MYO7A: variants seen among roughly 807,000 people sequenced by gnomAD.
The protein encoded by MYO7A is unconventional myosin-VIIa.
In MYO7A, 210 loss-of-function variants were observed where a neutral mutation model predicts 263.8. The ratio of observed to expected loss-of-function variants is 0.80; its 90% CI spans 0.71 to 0.89. The LOEUF is 0.89. MYO7A is among the 40% of genes least tolerant of loss of function. The pLI is 0.00. For missense variants in MYO7A, 2,820 were observed against 2,968.3 expected (o/e 0.95, Z 1.16); for synonymous variants, 1,239 against 1,197.3 (o/e 1.03, Z -0.72).
chr11:77,180,477 A>G lies in MYO7A; in HGVS notation c.2690A>G (p.His897Arg). Residue 897 changes from histidine (H) to arginine (R), a missense_variant, in exon 22 of 49, where the codon CAT becomes CGT. His to Arg is a conservative substitution (Grantham distance 29, BLOSUM62 0). Transcript: ENST00000409709. ...KKAKEEAERK[H>R]QERLAQLARE... Reference sequence around the variant, plus strand: ...GCCAAGGAGGAGGCCGAGCGCAAGCATCAGGTGAGCTGAGAGCCTCCAGGC... The same window carrying G: ...GCCAAGGAGGAGGCCGAGCGCAAGCGTCAGGTGAGCTGAGAGCCTCCAGGC... The G allele has an allele frequency of 6.2e-7, 1 of 1,612,046 alleles. No individual in the cohort carries two copies.
At position 77,157,302 on chromosome 11, in the gene MYO7A, C is replaced by A. The variant is rs182220009; in HGVS notation, c.759C>A (p.His253Gln). The A allele has an allele frequency of 1.2e-6, 2 of 1,611,566 alleles. No individual in the cohort carries two copies. The highest frequency in any genetic ancestry group is 4.5e-5 in the East Asian group (2 of 44,840). Residue 253 changes from histidine to glutamine, a missense_variant, in exon 8 of 49, where the codon CAC (histidine) becomes CAA (glutamine). Coordinates refer to ENST00000409709, the MANE Select transcript of MYO7A (RefSeq NM_000260.4). ...AGGCCCTGGATGAAAGGAACTACCA[C>A]GTGTTCTACTGCATGCTGGAGGGTA... ...CRQALDERNYHVFYCMLEGMS... is the reference protein window; with the variant it reads ...CRQALDERNYQVFYCMLEGMS...
chr11:77,133,112 G>A (rs1555046483), intron 2 of MYO7A, among the ~76,000 whole-genome samples: 2 of 152,178 alleles, frequency 1.3e-5, no homozygotes, highest in African/African-American at 4.8e-5. Context: ...AGGGGGCACG[G>A]GGATGAGAGG....
At position 77,159,884 on chromosome 11, in the gene MYO7A, C is replaced by T. The variant is rs1952828282; in HGVS notation, c.1081-279C>T. Reference sequence around the variant, plus strand: ...GCAAACACTTATTAGGGTTGGAAAACTGAGATGAATAAAGCCAGAGTCAGG... The same window carrying T: ...GCAAACACTTATTAGGGTTGGAAAATTGAGATGAATAAAGCCAGAGTCAGG... On this transcript the variant is annotated intron_variant, in intron 10 of 48. Transcript: ENST00000409709. Among the ~76,000 whole-genome samples the T allele has an allele frequency of 2.0e-5, 3 of 152,218 alleles. No homozygotes were observed. In the South Asian group the frequency reaches 6.2e-4, roughly 31 times the overall value.
rs566290661 is a variant in MYO7A at position 77,193,414 on chromosome 11, G to A, written c.4153-940G>A. On this transcript the variant is annotated intron_variant, in intron 31 of 48. Coordinates refer to ENST00000409709, the MANE Select transcript of MYO7A (RefSeq NM_000260.4). ...TGATGGTGGAGGCAGTGATGGTGTT[G>A]GTGATGACAGTGTTGTTGGTAGTGA... Among the ~76,000 whole-genome samples, 5 of 151,690 alleles carry A rather than the reference G, an allele frequency of 3.3e-5. No individual in the cohort carries two copies. The East Asian group carries it at 9.7e-4, about 29-fold the overall frequency.
chr11:77,153,699 C>T (rs1468722223), intron 4 of MYO7A, among the ~76,000 whole-genome samples: 4 of 152,168 alleles, frequency 2.6e-5, no homozygotes, highest in African/African-American at 9.7e-5. Context: ...TCATCCTCCA[C>T]AGCTGCCGGG....
Position 77,203,216 on chromosome 11 carries a change from T to C in MYO7A, c.5325T>C (p.Ile1775=). The C allele has an allele frequency of 1.3e-6, 2 of 1,552,924 alleles. No individual in the cohort carries two copies. Among genetic ancestry groups the C allele is most frequent in the East Asian group, 2.4e-5 (1 of 41,282 alleles). Residue 1775 remains isoleucine (I), a splice_region_variant and synonymous_variant, in exon 38 of 49, where the codon ATT becomes ATC. Transcript: ENST00000409709. ...CGCAGGAGGCCTGCCTGGCCTTCAT[T>C]GATATCCGTGCCACTGGGCTGTGCC... ...ELSQEACLAF[I]AVLKYMGDYP... is the part of the protein sequence containing the mutation.
rs1955325024 is a variant in MYO7A at position 77,182,494 on chromosome 11, C to G, written c.3179C>G (p.Ala1060Gly). ...GDLPEPKYHT[A>G]MSDGSEKIPV... is the part of the protein sequence containing the mutation. Reference sequence around the variant, plus strand: ...CTCCCTGAGCCCAAGTACCACACAGCCATGAGTGATGGCAGTGAGAAGATC... The same window carrying G: ...CTCCCTGAGCCCAAGTACCACACAGGCATGAGTGATGGCAGTGAGAAGATC... Residue 1060 changes from alanine to glycine, a missense_variant, in exon 25 of 49, where the codon GCC becomes GGC. Coordinates refer to ENST00000409709, the MANE Select transcript of MYO7A (RefSeq NM_000260.4). The G allele has an allele frequency of 1.2e-6, 2 of 1,611,526 alleles. No individual in the cohort carries two copies. Among genetic ancestry groups the G allele is most frequent in the Non-Finnish European group, 1.7e-6 (2 of 1,179,842 alleles).
intron 40 of MYO7A, 70 bp downstream of exon 40, chr11:77,205,687 A>G: frequency 6.3e-7 from 1 of 1,592,364 alleles, no homozygotes; most frequent in Non-Finnish European, 8.5e-7. Context: ...TTGTGGGATG[A>G]GCCCCTTGGG....
At chr11:77,203,435 G>A (rs1957214750) in intron 38 of MYO7A, among the ~76,000 whole-genome samples, 1 of 152,220 alleles carries the variant, frequency 6.6e-6, no homozygotes, top group Non-Finnish European at 1.5e-5. Context: ...TTGGTGCCTT[G>A]TGCTGGGCCA....
At chr11:77,205,192 A>T (rs924687927) in intron 39 of MYO7A, among the ~76,000 whole-genome samples, 1 of 152,232 alleles carries the variant, frequency 6.6e-6, no homozygotes, top group Non-Finnish European at 1.5e-5. Context: ...TCATTGTGGC[A>T]TAAGCCCCTT....
At chr11:77,161,437 C>T (rs142442659) in intron 12 of MYO7A, among the ~76,000 whole-genome samples, 1 of 152,322 alleles carries the variant, frequency 6.6e-6, no homozygotes, top group African/African-American at 2.4e-5. Context: ...GCAGGGAGGC[C>T]AGGCCTGTGC....
chr11:77,200,685 C>T (rs1007337681), intron 35 of MYO7A, among the ~76,000 whole-genome samples: 15 of 152,220 alleles, frequency 9.9e-5, no homozygotes, highest in African/African-American at 4.8e-5. Context: ...GAAGCTAGAC[C>T]AAATAGCAGA....
chr11:77,175,011 A>G, intron 17 of MYO7A, 97 bp downstream of exon 17: 3 of 1,486,760 alleles, frequency 2.0e-6, no homozygotes, highest in Non-Finnish European at 2.7e-6. Flanking sequence ...GCGGGGCTTG[A>G]CATCTGCTTG....
chr11:77,202,090 C>T (rs1257766434), intron 36 of MYO7A, among the ~76,000 whole-genome samples: 1 of 152,150 alleles, frequency 6.6e-6, no homozygotes, highest in Non-Finnish European at 1.5e-5. Flanking sequence ...TGATCAGACA[C>T]CTGGGGAAGG....
At chr11:77,155,868 CATGGAATCA>C (rs1565338549) in intron 4 of MYO7A, 30 bp from the exon 5 acceptor site, 2 of 1,525,038 alleles carry the variant, frequency 1.3e-6, no homozygotes, top group South Asian at 2.6e-5. Flanking sequence ...GAGTCTCCCA[CATGGAATCA>C]GCGAGCTCCC....
chr11:77,208,859 G>C (rs1957665153), intron 44 of MYO7A, 56 bp downstream of exon 44: 1 of 1,392,726 alleles, frequency 7.2e-7, no homozygotes. Context: ...GCTGTACTTT[G>C]GCCCTGAAAG....
intron 38 of MYO7A, among the ~76,000 whole-genome samples, chr11:77,203,624 G>T (rs553957313): frequency 1.1e-4 from 17 of 152,288 alleles, no homozygotes; most frequent in African/African-American, 4.1e-4. Context: ...GGCTAAGTAC[G>T]ACTTAGCCAG....
chr11:77,149,738 G>A (rs1383759151), intron 4 of MYO7A, among the ~76,000 whole-genome samples: 1 of 152,162 alleles, frequency 6.6e-6, no homozygotes, highest in Non-Finnish European at 1.5e-5. Flanking sequence ...TTTGGGCATA[G>A]GAAGTGGCTT....
intron 35 of MYO7A, among the ~76,000 whole-genome samples, chr11:77,200,266 C>G (rs756893659): frequency 1.5e-4 from 23 of 150,120 alleles, no homozygotes; most frequent in Non-Finnish European, 3.0e-4. Context: ...GAGACCTCCT[C>G]TCTTAAAAAA....
Sources: gnomAD v4.1 joint callset for allele counts (sites outside exome capture counted in the v4.1 genomes callset) on GRCh38, gnomAD v4.1.1 for gene constraint, MANE v1.5 for transcripts, NCBI Gene and HGNC (gene_info 2026-07-23, HGNC 2026-07-21) for gene names.